The following SLC41A2 variants were observed in gnomAD, a reference collection of about 807,000 sequenced individuals.
SLC41A2 encodes the protein solute carrier family 41 member 2, also known as SLC41A1-like 1.
SLC41A2 carries 32 observed loss-of-function variants against 58.3 expected under a neutral mutation model. The observed-to-expected ratio is 0.55, with a 90% CI of 0.41 to 0.74. SLC41A2 has a LOEUF of 0.74. SLC41A2 is among the 30% of genes least tolerant of loss of function. The pLI is 0.00. For missense variants in SLC41A2, 514 were observed against 680.6 expected (o/e 0.76, Z 2.72); for synonymous variants, 190 against 235.0 (o/e 0.81, Z 1.75).
intron 10 of SLC41A2, among the ~76,000 whole-genome samples, chr12:104,819,278 G>T (rs2041536078): frequency 6.6e-6 from 1 of 152,090 alleles, no homozygotes; most frequent in Non-Finnish European, 1.5e-5. Flanking sequence ...TAAATCATGT[G>T]TCAAAGGGAA....
At chr12:104,873,973 A>C (rs529722943) in intron 6 of SLC41A2, among the ~76,000 whole-genome samples, 15 of 151,672 alleles carry the variant, frequency 9.9e-5, no homozygotes, top group African/African-American at 3.6e-4. Context: ...AATCCATAGG[A>C]TGCCTTTTCC....
At chr12:104,826,167 G>A (rs1164071445) in intron 10 of SLC41A2, among the ~76,000 whole-genome samples, 1 of 152,162 alleles carries the variant, frequency 6.6e-6, no homozygotes, top group Admixed American at 6.5e-5. Flanking sequence ...TACTCCTCTG[G>A]AGTGTATCCT....
chr12:104,908,762 AG>A (rs1269533941), intron 3 of SLC41A2, among the ~76,000 whole-genome samples: 3 of 152,230 alleles, frequency 2.0e-5, no homozygotes, highest in Non-Finnish European at 2.9e-5. Context: ...TGCTACTGGC[AG>A]TATTTTTTAA....
chr12:104,881,899 A>G (rs2044388555), intron 6 of SLC41A2, among the ~76,000 whole-genome samples: 1 of 152,076 alleles, frequency 6.6e-6, no homozygotes, highest in South Asian at 2.1e-4. Context: ...TGATCTGTCT[A>G]ATGTTGACAG....
chr12:104,837,764 T>G (rs1237436076), intron 10 of SLC41A2, among the ~76,000 whole-genome samples: 1 of 152,152 alleles, frequency 6.6e-6, no homozygotes, highest in African/African-American at 2.4e-5. Flanking sequence ...ACAATAAGCA[T>G]GATAAACTGC....
At chr12:104,908,263 A>G (rs1322830994) in intron 3 of SLC41A2, among the ~76,000 whole-genome samples, 1 of 152,042 alleles carries the variant, frequency 6.6e-6, no homozygotes, top group African/African-American at 2.4e-5. Flanking sequence ...ATTCCGTCTC[A>G]AAAAAAATAA....
intron 4 of SLC41A2, 88 bp from the exon 5 acceptor site, chr12:104,889,265 T>C: frequency 7.5e-7 from 1 of 1,329,114 alleles, no homozygotes; most frequent in Non-Finnish European, 1.0e-6. Context: ...CTACAAAAAG[T>C]CAAAAAAAGT....
intron 10 of SLC41A2, among the ~76,000 whole-genome samples, chr12:104,820,729 C>G (rs2041598745): frequency 6.6e-6 from 1 of 152,176 alleles, no homozygotes; most frequent in Non-Finnish European, 1.5e-5. Context: ...GCAACCTCCC[C>G]CTCCTGGGTT....
chr12:104,841,322 GT>G (rs5800639), intron 10 of SLC41A2, among the ~76,000 whole-genome samples: 18 of 148,330 alleles, frequency 1.2e-4, no homozygotes, highest in South Asian at 4.3e-4. Context: ...AAAAATCTAG[GT>G]TTTTTTTTTT....
chr12:104,899,266 C>T (rs1391731913), intron 3 of SLC41A2, among the ~76,000 whole-genome samples: 1 of 152,148 alleles, frequency 6.6e-6, no homozygotes, highest in Non-Finnish European at 1.5e-5. Context: ...AATCTAATAT[C>T]TGGGCCCAAT....
At chr12:104,938,669 C>T (rs1261072813) in intron 1 of SLC41A2, among the ~76,000 whole-genome samples, 1 of 152,158 alleles carries the variant, frequency 6.6e-6, no homozygotes, top group African/African-American at 2.4e-5. Context: ...ACAGCCACCC[C>T]ACAGCAATCA....
At chr12:104,914,049 G>T (rs1157918785) in intron 2 of SLC41A2, among the ~76,000 whole-genome samples, 1 of 151,936 alleles carries the variant, frequency 6.6e-6, no homozygotes, top group Non-Finnish European at 1.5e-5. Flanking sequence ...GTGACAGGGC[G>T]AGACTCTATC....
At chr12:104,909,604 G>T in intron 3 of SLC41A2, 51 bp downstream of exon 3, 1 of 1,250,508 alleles carries the variant, frequency 8.0e-7, no homozygotes, top group Non-Finnish European at 1.2e-6. Flanking sequence ...CCCCTTAACA[G>T]AGAGAAACAG....
intron 1 of SLC41A2, among the ~76,000 whole-genome samples, chr12:104,942,723 A>G (rs1171658777): frequency 6.6e-6 from 1 of 152,210 alleles, no homozygotes; most frequent in African/African-American, 2.4e-5. Flanking sequence ...CAAATTTTAT[A>G]ATTGATTTAC....
Position 104,804,585 on chromosome 12 carries a change from T to A in SLC41A2, c.*567A>T, listed in dbSNP as rs1034867743. 1 of 152,212 alleles carries A rather than the reference T, an allele frequency of 6.6e-6. No homozygotes were observed. Among genetic ancestry groups the A allele is most frequent in the Non-Finnish European group, 1.5e-5 (1 of 68,052 alleles). The allele number at this position is 152,212 out of a possible 1,614,324, so 9.4% of individuals were successfully genotyped here. On this transcript the variant is annotated 3_prime_UTR_variant, in exon 11 of 11. Transcript: ENST00000258538. ...GAATTGGCATCAGAACAGGATAATT[T>A]TAGATGGAGGTAAAAGTGAGTTTAT... is the stretch of plus-strand genomic sequence containing the variant.
intron 3 of SLC41A2, 32 bp from the exon 4 acceptor site, chr12:104,895,377 A>G: frequency 6.8e-7 from 1 of 1,479,090 alleles, no homozygotes; most frequent in East Asian, 2.3e-5. Flanking sequence ...TGTATCACTG[A>G]AGAAAATCTA....
In SLC41A2 at chr12:104,802,717, G is replaced by A. The variant is rs2040742863; in HGVS notation, c.*2435C>T. 1 of 152,096 alleles carries A rather than the reference G, an allele frequency of 6.6e-6. No homozygotes were observed. 9.4% of individuals were successfully genotyped at this position (152,096 alleles called of 1,614,324 possible). A position where few individuals can be genotyped will look rare whatever the true frequency, so the allele number is the denominator to read the frequency against. ...TTAGAAATATGAATAATTTAGAGCT[G>A]GCAATACTCACCATCAGGATATAAT... On this transcript the variant is annotated 3_prime_UTR_variant, in exon 11 of 11. Transcript: ENST00000258538.
intron 1 of SLC41A2, among the ~76,000 whole-genome samples, chr12:104,933,975 C>T (rs1467321695): frequency 1.3e-5 from 2 of 151,918 alleles, no homozygotes; most frequent in Admixed American, 6.6e-5. Flanking sequence ...GTACAATGCA[C>T]ACTACTTGGG....
chr12:104,875,493 C>T (rs921509626), intron 6 of SLC41A2, among the ~76,000 whole-genome samples: 3 of 152,072 alleles, frequency 2.0e-5, no homozygotes, highest in African/African-American at 7.2e-5. Flanking sequence ...TGATGGTGAC[C>T]TTATAAAATG....
Sources: gnomAD v4.1 joint callset for allele counts (sites outside exome capture counted in the v4.1 genomes callset) on GRCh38, gnomAD v4.1.1 for gene constraint, MANE v1.5 for transcripts, NCBI Gene and HGNC (gene_info 2026-07-23, HGNC 2026-07-21) for gene names.